Variants in DHX32 observed in about 807,000 individuals in gnomAD.
DHX32 encodes putative pre-mRNA-splicing factor ATP-dependent RNA helicase DHX32.
In DHX32, 51 loss-of-function variants were observed where a neutral mutation model predicts 70.0. The observed-to-expected ratio is 0.73, with a 90% confidence interval of 0.58 to 0.92. The LOEUF is 0.92. Ranked by LOEUF, DHX32 falls within the 40% of genes least tolerant of loss-of-function variation. DHX32 has a pLI of 0.00. For synonymous variants in DHX32, 310 were observed against 315.3 expected (o/e 0.98, Z 0.18); for missense variants, 762 against 891.8 (o/e 0.85, Z 1.85).
At chr10:125,880,410 A>G in intron 1 of DHX32, 133 bp downstream of exon 1, 1 of 942,748 alleles carries the variant, frequency 1.1e-6, no homozygotes, top group Non-Finnish European at 1.5e-6. Context: ...ACGTGATTTA[A>G]TTATTTTATC....
At chr10:125,894,350 T>C (rs561270654) in intron 1 of DHX32, among the ~76,000 whole-genome samples, 99 of 152,288 alleles carry the variant, frequency 6.5e-4, no homozygotes, top group African/African-American at 2.3e-3. Context: ...AACAGGTACA[T>C]TGCACAAGGT....
chr10:125,873,004 C>T (rs959485304), intron 1 of DHX32, among the ~76,000 whole-genome samples: 3 of 152,158 alleles, frequency 2.0e-5, no homozygotes, highest in African/African-American at 4.8e-5. Flanking sequence ...TTCCCAACTC[C>T]GGGCAGCACA....
At position 125,859,690 on chromosome 10, in the gene DHX32, A is replaced by T. The variant is rs1287095245; in HGVS notation, c.762T>A (p.Asp254Glu). The change falls in exon 3 of 11, where the codon GAT becomes GAA. Residue 254 changes from aspartate (D) to glutamate (E), a missense_variant. Physicochemically the swap from Asp to Glu is conservative, Grantham distance 45 (BLOSUM62 2). Transcript: ENST00000284690. Reference sequence around the variant, plus strand: ...TAAGGCGTAAAATAGACTCAAAAGAATCCTTTTGAGCCTCACTAAGGTACA... The same window carrying T: ...TAAGGCGTAAAATAGACTCAAAAGATTCCTTTTGAGCCTCACTAAGGTACA... The part of the protein sequence containing the change: ...EVVYLSEAQK[D>E]SFESILRLIF... 6.2e-7 allele frequency: 1 copy of T among 1,613,742 alleles called. No individual in the cohort carries two copies. The highest frequency in any genetic ancestry group is 1.1e-5 in the South Asian group (1 of 90,930).
intron 1 of DHX32, among the ~76,000 whole-genome samples, chr10:125,878,403 C>T (rs1335947844): frequency 1.3e-5 from 2 of 152,178 alleles, no homozygotes; most frequent in Non-Finnish European, 2.9e-5. Flanking sequence ...AGGTGCTTTT[C>T]CTGGCCATCT....
chr10:125,848,282 T>C (rs1235913343), intron 6 of DHX32, among the ~76,000 whole-genome samples: 1 of 152,184 alleles, frequency 6.6e-6, no homozygotes, highest in Non-Finnish European at 1.5e-5. Flanking sequence ...TCTGCTTCAC[T>C]TAATTTCACA....
intron 6 of DHX32, among the ~76,000 whole-genome samples, chr10:125,847,953 G>C (rs1384771246): frequency 6.6e-6 from 1 of 152,184 alleles, no homozygotes; most frequent in Non-Finnish European, 1.5e-5. Flanking sequence ...ACCTCCTGCT[G>C]TCCGGCCCAG....
At chr10:125,878,758 G>A (rs1187793750) in intron 1 of DHX32, among the ~76,000 whole-genome samples, 1 of 151,076 alleles carries the variant, frequency 6.6e-6, no homozygotes, top group Non-Finnish European at 1.5e-5. Context: ...ACCCAGGCTG[G>A]AGTGCAGTGA....
upstream of DHX32, among the ~76,000 whole-genome samples, chr10:125,885,532 G>A (rs2134077569): frequency 2.0e-5 from 3 of 152,216 alleles, no homozygotes; most frequent in South Asian, 6.2e-4. Flanking sequence ...AGGGGCCACG[G>A]CCGAAGAATG....
chr10:125,842,253 T>A (rs1209664030), intron 6 of DHX32: 2 of 296,508 alleles, frequency 6.7e-6, no homozygotes, highest in Non-Finnish European at 1.2e-5. Flanking sequence ...GAGACTAAGG[T>A]GGCCGGAACT....
chr10:125,841,018 A>G (rs1210027307), intron 7 of DHX32, 22 bp from the exon 8 acceptor site: 3 of 1,585,994 alleles, frequency 1.9e-6, no homozygotes, highest in Admixed American at 1.7e-5. Flanking sequence ...AAAAGGTCAC[A>G]TGGTTAGCAA....
At chr10:125,886,896 T>A (rs1412570958) in intron 1 of DHX32, among the ~76,000 whole-genome samples, 1 of 152,302 alleles carries the variant, frequency 6.6e-6, no homozygotes, top group Non-Finnish European at 1.5e-5. Context: ...ACATCAAGTA[T>A]GAGGGGACTC....
chr10:125,837,197 G>A (rs1166615980), intron 10 of DHX32, among the ~76,000 whole-genome samples: 4 of 152,190 alleles, frequency 2.6e-5, no homozygotes, highest in African/African-American at 9.7e-5. Context: ...TTTGGGTAGG[G>A]GAGAGAGGGG....
upstream of DHX32, among the ~76,000 whole-genome samples, chr10:125,881,793 C>G (rs1039932558): frequency 2.6e-5 from 4 of 152,158 alleles, no homozygotes; most frequent in African/African-American, 9.7e-5. Flanking sequence ...AGGTGTACAC[C>G]ACTATGTCCA....
chr10:125,852,214 T>C (rs969825965), intron 6 of DHX32, 79 bp downstream of exon 6: 4 of 1,541,942 alleles, frequency 2.6e-6, no homozygotes, highest in Non-Finnish European at 3.5e-6. Flanking sequence ...CTGCGCATCA[T>C]GTGAACTCAG....
intron 1 of DHX32, among the ~76,000 whole-genome samples, chr10:125,873,884 A>G (rs1944269511): frequency 6.6e-6 from 1 of 152,240 alleles, no homozygotes; most frequent in African/African-American, 2.4e-5. Context: ...ATAGAAGTAC[A>G]GATGTTCTAA....
chr10:125,886,604 G>A (rs1397674716), intron 1 of DHX32, among the ~76,000 whole-genome samples: 15 of 152,298 alleles, frequency 9.8e-5, no homozygotes, highest in African/African-American at 3.6e-4. Flanking sequence ...TATGATATAT[G>A]ATAGACTCTT....
At chr10:125,874,715 GT>G (rs1370640971) in intron 1 of DHX32, among the ~76,000 whole-genome samples, 1 of 152,152 alleles carries the variant, frequency 6.6e-6, no homozygotes, top group Non-Finnish European at 1.5e-5. Context: ...AATAAACCCT[GT>G]AGTGCTAAAC....
In DHX32 at chr10:125,836,723, C is replaced by T. The variant is rs757734941; in HGVS notation, c.2196G>A (p.Thr732=). 24 of 1,614,136 alleles carry T rather than the reference C, an allele frequency of 1.5e-5. No individual in the cohort carries two copies. The highest frequency in any genetic ancestry group is 6.7e-5 in the East Asian group (3 of 44,868). The part of the protein sequence containing the change: ...TMNKEQQMCE[T]CPETEQRCTL... Reference sequence around the variant, plus strand: ...TGCATCTCTGTTCAGTTTCAGGGCACGTCTCACACATTTGCTGTTCCTTAT... The same window carrying T: ...TGCATCTCTGTTCAGTTTCAGGGCATGTCTCACACATTTGCTGTTCCTTAT... Residue 732 remains threonine (T), a synonymous_variant, in exon 11 of 11, where the codon ACG becomes ACA. Transcript: ENST00000284690.
intron 1 of DHX32, among the ~76,000 whole-genome samples, chr10:125,894,266 C>G (rs75839529): frequency 6.6e-6 from 1 of 152,128 alleles, no homozygotes; most frequent in Non-Finnish European, 1.5e-5. Flanking sequence ...CGGGTGTTTT[C>G]TCCAATAGTA....
Sources: gnomAD v4.1 joint callset for allele counts (sites outside exome capture counted in the v4.1 genomes callset) on GRCh38, gnomAD v4.1.1 for gene constraint, MANE v1.5 for transcripts, NCBI Gene and HGNC (gene_info 2026-07-23, HGNC 2026-07-21) for gene names.